Variants in CACNG5 observed in about 807,000 individuals in gnomAD.
The protein encoded by CACNG5 is calcium voltage-gated channel auxiliary subunit gamma 5.
In CACNG5, 18 loss-of-function variants were observed where a neutral mutation model predicts 24.8. The ratio of observed to expected loss-of-function variants is 0.73; its 90% CI spans 0.50 to 1.08. The LOEUF (loss-of-function observed/expected upper bound fraction) is 1.08, where lower values mean the gene tolerates loss of function less well. Among genes scored for constraint, CACNG5 ranks in the 50% least tolerant of loss-of-function variants. CACNG5 has a pLI of 0.00. For synonymous variants in CACNG5, 157 were observed against 149.1 expected, an observed-to-expected ratio of 1.05 and a Z score of -0.39; for missense variants, 349 against 367.9, an observed-to-expected ratio of 0.95 and a Z score of 0.42.
chr17:66,852,908 CTT>C (rs1976724596), intron 1 of CACNG5, among the ~76,000 whole-genome samples: 1 of 144,036 alleles, frequency 6.9e-6, no homozygotes, highest in African/African-American at 2.6e-5. Flanking sequence ...TCTTCTCTCT[CTT>C]CTTTCTCTCT....
rs12945197 is a variant in CACNG5 at position 66,890,650 on chromosome 17, C to T, written c.*5410C>T. Among the ~76,000 whole-genome samples the T allele has an allele frequency of 0.038, 5,715 of 152,318 alleles. 148 individuals carry two copies. Among genetic ancestry groups the T allele is most frequent in the Non-Finnish European group, 0.05 (3,370 of 68,022 alleles). On this transcript the variant is annotated 3_prime_UTR_variant, in exon 6 of 6. Transcript: ENST00000533854. ...CCTTGAAGGTTTGCATGCGTGGGCT[C>T]TCTGTCCTGCTGGTTCAGAGGCCTG... is the stretch of plus-strand genomic sequence containing the variant.
At chr17:66,845,803 T>A (rs146429279) in intron 1 of CACNG5, among the ~76,000 whole-genome samples, 168 of 152,278 alleles carry the variant, frequency 1.1e-3, no homozygotes, top group African/African-American at 3.9e-3. Context: ...TGTCCCCCAG[T>A]GCTAATCACA....
chr17:66,884,646 C>T lies in CACNG5; in HGVS notation c.555C>T (p.Ser185=). ...GGTCGTTTGCCTTCGCCGCCATCTCCTTCCTTTTAACGGAGGTAAAGCCCG... is the reference window on the plus strand; with the variant it reads ...GGTCGTTTGCCTTCGCCGCCATCTCTTTCCTTTTAACGGAGGTAAAGCCCG... ...YGWSFAFAAI[S]FLLTESAGVM... Residue 185 remains serine (S), a synonymous_variant, in exon 5 of 6, where the codon TCC becomes TCT. Coordinates refer to ENST00000533854, the MANE Select transcript of CACNG5 (RefSeq NM_145811.3). The T allele has an allele frequency of 1.2e-6, 2 of 1,614,216 alleles. No homozygotes were observed. The highest frequency in any genetic ancestry group is 1.1e-5 in the South Asian group (1 of 91,088).
intron 1 of CACNG5, 41 bp from the exon 2 acceptor site, chr17:66,877,189 G>C (rs566779773): frequency 1.5e-6 from 1 of 658,144 alleles, no homozygotes; most frequent in Non-Finnish European, 2.6e-6. Flanking sequence ...CCAGGTTGGG[G>C]TTTGACTTTA....
intron 1 of CACNG5, among the ~76,000 whole-genome samples, chr17:66,852,917 C>G (rs957419501): frequency 2.1e-5 from 3 of 144,412 alleles, no homozygotes; most frequent in Non-Finnish European, 4.5e-5. Flanking sequence ...TCTTCTTTCT[C>G]TCTTCTCTTT....
At chr17:66,854,519 C>G (rs1172274725) in intron 1 of CACNG5, among the ~76,000 whole-genome samples, 1 of 151,574 alleles carries the variant, frequency 6.6e-6, no homozygotes. Context: ...ATGGTGAAAC[C>G]CCATCTCTAC....
In CACNG5 at chr17:66,886,532, G is replaced by A. The variant is rs142363466; in HGVS notation, c.*1292G>A. ...CCCCCCTTCAGCTCTCCAAGTGTCA[G>A]CTTAGCTTAGATGTTTTTGGTTTTG... is the stretch of plus-strand genomic sequence containing the variant. On this transcript the variant is annotated 3_prime_UTR_variant, in exon 6 of 6. Transcript: ENST00000533854. Among the ~76,000 whole-genome samples, 2 of 152,324 alleles carry A rather than the reference G, an allele frequency of 1.3e-5. No homozygotes were observed. Among genetic ancestry groups the A allele is most frequent in the East Asian group, 1.9e-4 (1 of 5,186 alleles).
intron 1 of CACNG5, among the ~76,000 whole-genome samples, chr17:66,848,617 C>T (rs550221851): frequency 1.4e-4 from 21 of 152,284 alleles, no homozygotes; most frequent in Non-Finnish European, 2.2e-4. Flanking sequence ...GTTTTGAAGG[C>T]GTTTGAGTCC....
chr17:66,839,229 G>C (rs1005477520), intron 1 of CACNG5, among the ~76,000 whole-genome samples: 3 of 151,926 alleles, frequency 2.0e-5, no homozygotes, highest in African/African-American at 7.2e-5. Context: ...CAAAGTGCTG[G>C]GATTACAGGC....
At chr17:66,871,321 A>G (rs1977004164) in intron 1 of CACNG5, among the ~76,000 whole-genome samples, 1 of 152,168 alleles carries the variant, frequency 6.6e-6, no homozygotes, top group Admixed American at 6.5e-5. Context: ...TGAACCTTTT[A>G]TCAAAGCACT....
chr17:66,872,425 A>G (rs1321511231), intron 1 of CACNG5, among the ~76,000 whole-genome samples: 1 of 152,210 alleles, frequency 6.6e-6, no homozygotes, highest in Non-Finnish European at 1.5e-5. Context: ...TCCTGTCCCT[A>G]CTGAAGACAC....
intron 4 of CACNG5, 118 bp from the exon 5 acceptor site, chr17:66,884,398 C>A: frequency 1.9e-6 from 2 of 1,034,698 alleles, no homozygotes; most frequent in Non-Finnish European, 2.8e-6. Flanking sequence ...CCACTGAGAG[C>A]ATTGTTACCC....
At position 66,887,362 on chromosome 17, in the gene CACNG5, G is replaced by C. The variant is rs1401108069; in HGVS notation, c.*2122G>C. Among the ~76,000 whole-genome samples, 1 of 118,612 alleles carries C rather than the reference G, an allele frequency of 8.4e-6. No individual in the cohort carries two copies. The highest frequency in any genetic ancestry group is 1.6e-5 in the Non-Finnish European group (1 of 62,742). 77.8% of individuals were successfully genotyped at this position (118,612 alleles called of 152,430 possible). On this transcript the variant is annotated 3_prime_UTR_variant, in exon 6 of 6. Transcript: ENST00000533854. ...CTGTGGGAGGCTCTCTGTTGCTTTTGTATGTGACTTTTCAATCCTTGCCTA... is the reference window on the plus strand; with the variant it reads ...CTGTGGGAGGCTCTCTGTTGCTTTTCTATGTGACTTTTCAATCCTTGCCTA...
chr17:66,835,642 C>T (rs953642982), intron 1 of CACNG5, among the ~76,000 whole-genome samples: 7 of 152,182 alleles, frequency 4.6e-5, no homozygotes, highest in Admixed American at 1.3e-4. Flanking sequence ...CCCACCACCA[C>T]CTGTTGAGCT....
chr17:66,869,833 C>T (rs538430826), intron 1 of CACNG5, among the ~76,000 whole-genome samples: 41 of 152,254 alleles, frequency 2.7e-4, no homozygotes, highest in African/African-American at 8.9e-4. Context: ...CCTGTAATCC[C>T]AGCAGTTTGG....
Position 66,889,230 on chromosome 17 carries a change from G to A in CACNG5, c.*3990G>A, listed in dbSNP as rs1335272444. ...CCTGCCTTGGCCTCCCAAAGTGCTGGGATTACAGGCATGAGCCACTGTGCC... is the reference window on the plus strand; with the variant it reads ...CCTGCCTTGGCCTCCCAAAGTGCTGAGATTACAGGCATGAGCCACTGTGCC... On this transcript the variant is annotated 3_prime_UTR_variant, in exon 6 of 6. Coordinates refer to ENST00000533854, the MANE Select transcript of CACNG5 (RefSeq NM_145811.3). Among the ~76,000 whole-genome samples, 1 of 152,164 alleles carries A rather than the reference G, an allele frequency of 6.6e-6. No individual in the cohort carries two copies. The highest frequency in any genetic ancestry group is 1.9e-4 in the East Asian group (1 of 5,192).
intron 1 of CACNG5, among the ~76,000 whole-genome samples, chr17:66,853,297 C>T (rs1371540608): frequency 6.6e-6 from 1 of 152,210 alleles, no homozygotes; most frequent in African/African-American, 2.4e-5. Context: ...CTATATGAAT[C>T]AAGCTGTACT....
At chr17:66,880,475 T>G in intron 3 of CACNG5, 82 bp from the exon 4 acceptor site, 1 of 1,566,992 alleles carries the variant, frequency 6.4e-7, no homozygotes, top group Non-Finnish European at 8.7e-7. Context: ...TGGTAGACAC[T>G]GCCAGGAACA....
At chr17:66,854,780 C>G (rs536679379) in intron 1 of CACNG5, among the ~76,000 whole-genome samples, 1 of 151,936 alleles carries the variant, frequency 6.6e-6, no homozygotes, top group African/African-American at 2.4e-5. Flanking sequence ...TTAATATCCA[C>G]AACACCTCAA....
Sources: gnomAD v4.1 joint callset for allele counts (sites outside exome capture counted in the v4.1 genomes callset) on GRCh38, gnomAD v4.1.1 for gene constraint, MANE v1.5 for transcripts, NCBI Gene and HGNC (gene_info 2026-07-23, HGNC 2026-07-21) for gene names.